WLS: variants seen among roughly 807,000 people sequenced by gnomAD.
WLS encodes Wnt ligand secretion mediator.
In WLS, 23 loss-of-function variants were observed where a neutral mutation model predicts 62.8. The ratio of observed to expected loss-of-function variants is 0.37; its 90% CI spans 0.26 to 0.52. The LOEUF (loss-of-function observed/expected upper bound fraction) is 0.52, where lower values mean the gene tolerates loss of function less well. WLS is among the 20% of genes least tolerant of loss of function. WLS has a pLI of 0.92. For synonymous variants in WLS, 246 were observed against 244.1 expected, an observed-to-expected ratio of 1.01 and a Z score of -0.07; for missense variants, 615 against 697.3, an observed-to-expected ratio of 0.88 and a Z score of 1.33.
chr1:68,226,846 C>A (rs911874427), intron 1 of WLS, among the ~76,000 whole-genome samples: 1 of 152,186 alleles, frequency 6.6e-6, no homozygotes, highest in Non-Finnish European at 1.5e-5. Context: ...TCCATAGAAA[C>A]ACCTTTATGA....
intron 1 of WLS, among the ~76,000 whole-genome samples, chr1:68,221,030 CAG>C (rs1454634910): frequency 2.6e-5 from 4 of 152,172 alleles, no homozygotes; most frequent in Admixed American, 1.3e-4. Context: ...TCTGTAAAAA[CAG>C]AAACAAATGC....
At chr1:68,170,160 C>CTTTTTTTCTTTTTTTTTTTTT (rs1553131191) in intron 2 of WLS, among the ~76,000 whole-genome samples, 95 of 86,786 alleles carry the variant, frequency 1.1e-3, no homozygotes, top group South Asian at 1.3e-3. Context: ...GCTACTATTT[C>CTTTTTTTCTTTTTTTTTTTTT]TTTTTTTTTT....
intron 11 of WLS, among the ~76,000 whole-genome samples, chr1:68,135,295 C>G (rs1405876957): frequency 6.7e-6 from 1 of 149,332 alleles, no homozygotes; most frequent in Non-Finnish European, 1.5e-5. Flanking sequence ...GTGCACACCA[C>G]CATGCCTGGC....
downstream of WLS, among the ~76,000 whole-genome samples, chr1:68,120,669 C>G (rs931016912): frequency 5.5e-4 from 83 of 151,656 alleles, no homozygotes; most frequent in African/African-American, 1.9e-3. Context: ...TTGCATATTA[C>G]AACACACATC....
chr1:68,226,981 C>A (rs547552818), intron 1 of WLS, among the ~76,000 whole-genome samples: 6 of 152,232 alleles, frequency 3.9e-5, no homozygotes, highest in South Asian at 2.1e-4. Context: ...AGGCAGGGAA[C>A]CTGAAAACCT....
intron 2 of WLS, chr1:68,162,132 A>G: frequency 1.3e-6 from 2 of 1,511,484 alleles, no homozygotes; most frequent in Non-Finnish European, 1.8e-6. Context: ...AGGCAGTGTG[A>G]GGAGTGCAGA....
At chr1:68,109,450 A>G (rs1646192027) in intron 11 of WLS, among the ~76,000 whole-genome samples, 1 of 152,246 alleles carries the variant, frequency 6.6e-6, no homozygotes, top group South Asian at 2.1e-4. Context: ...TTCTACTTCT[A>G]AGAACTTTAA....
chr1:68,163,374 G>A (rs112439144), intron 2 of WLS, among the ~76,000 whole-genome samples: 1 of 152,132 alleles, frequency 6.6e-6, no homozygotes, highest in Non-Finnish European at 1.5e-5. Context: ...CCGCGGTGGC[G>A]GTGGCTCCCG....
chr1:68,164,060 A>G (rs1027697965), intron 2 of WLS, among the ~76,000 whole-genome samples: 1 of 152,236 alleles, frequency 6.6e-6, no homozygotes, highest in Non-Finnish European at 1.5e-5. Context: ...ATTCTGATAT[A>G]GAGGAAACCC....
chr1:68,231,842 G>T (rs1325458607), intron 1 of WLS: 2 of 416,156 alleles, frequency 4.8e-6, no homozygotes, highest in Non-Finnish European at 8.7e-6. Flanking sequence ...AAAAGGGGGG[G>T]AACGCGGGAA....
chr1:68,155,083 A>G lies in WLS; in HGVS notation c.666+16T>C. On this transcript the variant is annotated intron_variant, in intron 4 of 11. Coordinates refer to ENST00000262348, the MANE Select transcript of WLS (RefSeq NM_024911.7). ...CCCCTCCAATACACATGTCAAGATC[A>G]ATTACATTCACTTACCACCAACCGG... 1 of 1,611,814 alleles carries G rather than the reference A, an allele frequency of 6.2e-7. No individual in the cohort carries two copies. The highest frequency in any genetic ancestry group is 1.1e-5 in the South Asian group (1 of 90,634).
intron 5 of WLS, among the ~76,000 whole-genome samples, chr1:68,151,501 CTG>C (rs1425291614): frequency 6.6e-6 from 1 of 152,040 alleles, no homozygotes; most frequent in African/African-American, 2.4e-5. Context: ...GGGAATATAA[CTG>C]TGAACAAGAA....
intron 10 of WLS, chr1:68,141,451 C>A (rs991877941): frequency 6.6e-6 from 1 of 152,128 alleles, no homozygotes; most frequent in Non-Finnish European, 1.5e-5. Context: ...TACCAGACTG[C>A]GATGTACCAT....
chr1:68,179,843 C>A (rs1277410689), intron 2 of WLS, among the ~76,000 whole-genome samples: 2 of 152,186 alleles, frequency 1.3e-5, no homozygotes, highest in African/African-American at 4.8e-5. Flanking sequence ...GCTCTCATGG[C>A]TTTTCAGTTT....
At chr1:68,169,335 AAAGT>A (rs781079302) in intron 2 of WLS, among the ~76,000 whole-genome samples, 1 of 152,196 alleles carries the variant, frequency 6.6e-6, no homozygotes, top group Non-Finnish European at 1.5e-5. Flanking sequence ...TACCACTGAA[AAAGT>A]AAGTGGAGAC....
chr1:68,162,767 C>T (rs1646998737), intron 2 of WLS: 21 of 1,092,412 alleles, frequency 1.9e-5, no homozygotes, highest in African/African-American at 3.1e-5. Flanking sequence ...TCCACGTTAT[C>T]GTAGCCACTG....
chr1:68,152,788 A>G (rs1185811298), intron 5 of WLS, among the ~76,000 whole-genome samples: 1 of 152,320 alleles, frequency 6.6e-6, no homozygotes, highest in South Asian at 2.1e-4. Flanking sequence ...GGGAGATGGC[A>G]GGACATGTTT....
At chr1:68,222,493 C>T (rs555786551) in intron 1 of WLS, among the ~76,000 whole-genome samples, 1 of 152,092 alleles carries the variant, frequency 6.6e-6, no homozygotes, top group African/African-American at 2.4e-5. Context: ...CTATAAGAAG[C>T]ACCAGTTGGG....
At chr1:68,168,070 G>A (rs933383161) in intron 2 of WLS, among the ~76,000 whole-genome samples, 2 of 152,154 alleles carry the variant, frequency 1.3e-5, no homozygotes, top group African/African-American at 4.8e-5. Flanking sequence ...TGGAAAGTCA[G>A]AGAGGAGGGC....
Sources: allele counts gnomAD v4.1 joint callset (sites outside exome capture counted in the v4.1 genomes callset), GRCh38; gene constraint gnomAD v4.1.1; transcripts MANE v1.5; gene names NCBI Gene and HGNC (gene_info 2026-07-23, HGNC 2026-07-21).